The following PSMD1 variants were observed in gnomAD, a reference collection of about 807,000 sequenced individuals.
PSMD1 encodes 26S proteasome non-ATPase regulatory subunit 1.
A neutral mutation model predicts 119.0 loss-of-function variants in PSMD1; 18 were observed. That is an observed-to-expected ratio of 0.15 (90% CI 0.10 to 0.22). The LOEUF (loss-of-function observed/expected upper bound fraction) is 0.22, where lower values mean the gene tolerates loss of function less well. Among genes scored for constraint, PSMD1 ranks in the 10% least tolerant of loss-of-function variants. PSMD1 has a pLI of 1.00. For synonymous variants in PSMD1, 374 were observed against 396.6 expected (o/e 0.94, Z 0.68); for missense variants, 702 against 1,158.5 (o/e 0.61, Z 5.72).
intron 16 of PSMD1, chr2:231,123,381 G>A: frequency 2.0e-6 from 3 of 1,484,064 alleles, no homozygotes; most frequent in Non-Finnish European, 2.8e-6. Flanking sequence ...TAGTTCTGTG[G>A]TTTGATGGCA....
intron 16 of PSMD1, among the ~76,000 whole-genome samples, chr2:231,118,165 A>G (rs1695407571): frequency 6.6e-6 from 1 of 150,420 alleles, no homozygotes; most frequent in Admixed American, 6.6e-5. Context: ...TAGAGTTTAT[A>G]TGGATGATGA....
intron 16 of PSMD1, 67 bp downstream of exon 16, chr2:231,087,248 G>A (rs752383815): frequency 6.7e-6 from 9 of 1,339,776 alleles, no homozygotes; most frequent in Middle Eastern, 2.4e-4. Flanking sequence ...AGTCACTACC[G>A]AAACTACCAA....
intron 16 of PSMD1, among the ~76,000 whole-genome samples, chr2:231,118,600 C>T (rs1263542871): frequency 1.3e-5 from 2 of 151,888 alleles, no homozygotes; most frequent in Non-Finnish European, 2.9e-5. Context: ...TTTGTTTTTG[C>T]TTTCTTTTGA....
intron 16 of PSMD1, among the ~76,000 whole-genome samples, chr2:231,095,908 C>T (rs1039682954): frequency 2.0e-5 from 3 of 152,116 alleles, no homozygotes; most frequent in Admixed American, 6.5e-5. Flanking sequence ...TTCTATATGG[C>T]CAGCTTTTAA....
intron 16 of PSMD1, among the ~76,000 whole-genome samples, chr2:231,106,017 GGT>G: frequency 8.8e-6 from 1 of 113,810 alleles, no homozygotes; most frequent in African/African-American, 4.5e-5. Flanking sequence ...GGAATAAAAA[GGT>G]TTTTTTTTTT....
At chr2:231,162,296 T>G (rs1019818081) in intron 20 of PSMD1, among the ~76,000 whole-genome samples, 6 of 152,246 alleles carry the variant, frequency 3.9e-5, no homozygotes, top group Non-Finnish European at 8.8e-5. Flanking sequence ...TGTTGAAATG[T>G]TCTACTAAAT....
intron 17 of PSMD1, among the ~76,000 whole-genome samples, chr2:231,145,406 G>A (rs1253505431): frequency 6.6e-6 from 1 of 152,194 alleles, no homozygotes; most frequent in Non-Finnish European, 1.5e-5. Context: ...TGCTCTGGGT[G>A]AGTCAGTGAG....
intron 16 of PSMD1, among the ~76,000 whole-genome samples, chr2:231,099,789 G>A (rs1694818479): frequency 6.6e-6 from 1 of 152,090 alleles, no homozygotes; most frequent in Non-Finnish European, 1.5e-5. Flanking sequence ...CCGAAATGGG[G>A]ATGGCTCGCC....
chr2:231,092,285 A>G (rs1694615298), intron 16 of PSMD1, among the ~76,000 whole-genome samples: 1 of 152,176 alleles, frequency 6.6e-6, no homozygotes, highest in Non-Finnish European at 1.5e-5. Context: ...TAAATTAGAT[A>G]TAATTAGTGA....
At chr2:231,108,823 G>A (rs1695052797) in intron 16 of PSMD1, 2 of 1,614,084 alleles carry the variant, frequency 1.2e-6, no homozygotes, top group Admixed American at 1.7e-5. Flanking sequence ...TGAAGAGGGT[G>A]TAGACCAAAG....
intron 16 of PSMD1, among the ~76,000 whole-genome samples, chr2:231,098,578 C>CT (rs1694783738): frequency 6.6e-6 from 1 of 151,446 alleles, no homozygotes; most frequent in African/African-American, 2.4e-5. Flanking sequence ...TCTCTCTCTC[C>CT]CCTCTCTGCT....
At chr2:231,144,777 C>T (rs1161198899) in intron 17 of PSMD1, among the ~76,000 whole-genome samples, 1 of 152,160 alleles carries the variant, frequency 6.6e-6, no homozygotes, top group Non-Finnish European at 1.5e-5. Context: ...GCTATCAGTA[C>T]TTACTCGACT....
rs755428635 is a variant in PSMD1 at position 231,066,971 on chromosome 2, AAAC to A, written c.371_373del (p.Lys124_Pro125delinsThr). ...TGCAGATTTGCCTGAAGGAGAAAAA[AAAC>A]CAATTGACCAGAGATTGGAAGGCAT... On this transcript the variant is annotated inframe_deletion, in exon 5 of 25. Coordinates refer to ENST00000308696, the MANE Select transcript of PSMD1 (RefSeq NM_002807.4). 1.2e-6 allele frequency: 2 copies of A among 1,613,482 alleles called. No individual in the cohort carries two copies. The highest frequency in any genetic ancestry group is 2.2e-5 in the South Asian group (2 of 90,928).
intron 22 of PSMD1, 98 bp downstream of exon 22, chr2:231,165,384 C>A: frequency 1.5e-6 from 2 of 1,319,094 alleles, no homozygotes; most frequent in Non-Finnish European, 2.0e-6. Flanking sequence ...TTGCTCTTGG[C>A]TTCCTTCAAA....
At position 231,056,915 on chromosome 2, in the gene PSMD1, A is replaced by G. The variant is rs1485637192; in HGVS notation, c.-111A>G. The G allele has an allele frequency of 3.5e-6, 5 of 1,431,634 alleles. No homozygotes were observed. Among genetic ancestry groups the G allele is most frequent in the Middle Eastern group, 2.1e-4 (1 of 4,812 alleles). 88.7% of individuals were successfully genotyped at this position (1,431,634 alleles called of 1,614,324 possible). ...GGCCTGAGGAGGCGACTGACTGAGC[A>G]GCGCACCCGGGGAGCAAGGAGGCGC... is the stretch of plus-strand genomic sequence containing the variant. On this transcript the variant is annotated 5_prime_UTR_variant, in exon 1 of 25. Coordinates refer to ENST00000308696, the MANE Select transcript of PSMD1 (RefSeq NM_002807.4).
intron 12 of PSMD1, 127 bp downstream of exon 12, chr2:231,080,441 A>ATTTT: frequency 1.6e-6 from 1 of 620,974 alleles, no homozygotes; most frequent in Non-Finnish European, 2.4e-6. Flanking sequence ...GTCATCTTGG[A>ATTTT]TTTTTTTTTT....
chr2:231,057,330 G>A (rs1005818257), intron 1 of PSMD1, among the ~76,000 whole-genome samples: 9 of 152,296 alleles, frequency 5.9e-5, no homozygotes, highest in Middle Eastern at 3.4e-3. Flanking sequence ...ACCCCAGAAG[G>A]GCTTACCTTT....
chr2:231,096,761 T>C (rs1046380037), intron 16 of PSMD1, among the ~76,000 whole-genome samples: 3 of 152,216 alleles, frequency 2.0e-5, no homozygotes, highest in Admixed American at 2.0e-4. Flanking sequence ...CCCCTGCTGC[T>C]GTGTCATTTC....
chr2:231,130,032 T>G (rs1695817735), intron 16 of PSMD1, among the ~76,000 whole-genome samples: 1 of 152,156 alleles, frequency 6.6e-6, no homozygotes, highest in Non-Finnish European at 1.5e-5. Flanking sequence ...TTTTATATTT[T>G]TAGTAGAGAC....
Sources: gnomAD v4.1 joint callset for allele counts (sites outside exome capture counted in the v4.1 genomes callset) on GRCh38, gnomAD v4.1.1 for gene constraint, MANE v1.5 for transcripts, NCBI Gene and HGNC (gene_info 2026-07-23, HGNC 2026-07-21) for gene names.